PPP2R5C: variants seen among roughly 807,000 people sequenced by gnomAD.
PPP2R5C encodes the protein protein phosphatase 2 regulatory subunit B'gamma.
PPP2R5C carries 7 observed loss-of-function variants against 68.9 expected under a neutral mutation model. That is an observed-to-expected ratio of 0.10 (90% CI 0.06 to 0.19). PPP2R5C has a LOEUF of 0.19. Among genes scored for constraint, PPP2R5C ranks in the 10% least tolerant of loss-of-function variants. The probability of loss-of-function intolerance (pLI) is 1.00; values close to 1 mark genes in which losing one functional copy is unlikely to be tolerated. For synonymous variants in PPP2R5C, 210 were observed against 222.2 expected (o/e 0.95, Z 0.49); for missense variants, 348 against 641.3 (o/e 0.54, Z 4.94).
chr14:101,905,598 A>G (rs984590766), intron 9 of PPP2R5C, among the ~76,000 whole-genome samples: 1 of 152,136 alleles, frequency 6.6e-6, no homozygotes, highest in Non-Finnish European at 1.5e-5. Context: ...CAGAGGTTGC[A>G]GTCAGCCAAG....
intron 1 of PPP2R5C, among the ~76,000 whole-genome samples, chr14:101,846,861 C>T (rs913040958): frequency 6.6e-6 from 1 of 152,190 alleles, no homozygotes; most frequent in Admixed American, 6.5e-5. Flanking sequence ...TTGGATCGCT[C>T]ATCTGCTTAA....
chr14:101,772,577 C>T (rs1283850664), intron 2 of PPP2R5C, among the ~76,000 whole-genome samples: 1 of 152,024 alleles, frequency 6.6e-6, no homozygotes, highest in East Asian at 1.9e-4. Context: ...GGTGGATCAC[C>T]TAAGATCAGG....
intron 1 of PPP2R5C, among the ~76,000 whole-genome samples, chr14:101,831,536 A>G (rs1397496867): frequency 6.6e-6 from 1 of 152,240 alleles, no homozygotes; most frequent in African/African-American, 2.4e-5. Context: ...TTGCAGATGC[A>G]TAAAGGAAGA....
intron 11 of PPP2R5C, among the ~76,000 whole-genome samples, chr14:101,911,997 T>TA (rs1297422064): frequency 6.6e-6 from 1 of 152,166 alleles, no homozygotes; most frequent in Non-Finnish European, 1.5e-5. Flanking sequence ...TTTTTAATAT[T>TA]ATAGGAATGG....
chr14:101,870,259 G>A (rs2043318889), intron 2 of PPP2R5C, among the ~76,000 whole-genome samples: 1 of 151,894 alleles, frequency 6.6e-6, no homozygotes, highest in South Asian at 2.1e-4. Flanking sequence ...GCTTTTGGTA[G>A]CATATCTAAG....
chr14:101,837,160 T>G (rs2041161450), intron 1 of PPP2R5C, among the ~76,000 whole-genome samples: 2 of 152,226 alleles, frequency 1.3e-5, no homozygotes, highest in Admixed American at 1.3e-4. Flanking sequence ...GTTTTGTTTT[T>G]GAGACGGAGT....
intron 1 of PPP2R5C, among the ~76,000 whole-genome samples, chr14:101,816,459 T>TA (rs1158017905): frequency 6.6e-6 from 1 of 152,092 alleles, no homozygotes; most frequent in Non-Finnish European, 1.5e-5. Context: ...GAAAAAAGAC[T>TA]AAAGAGATAT....
chr14:101,869,159 C>T (rs2140744730), intron 2 of PPP2R5C, among the ~76,000 whole-genome samples: 1 of 152,324 alleles, frequency 6.6e-6, no homozygotes, highest in South Asian at 2.1e-4. Context: ...ATCATTTTGT[C>T]TTTTCCAGAA....
intron 2 of PPP2R5C, among the ~76,000 whole-genome samples, chr14:101,763,542 C>A (rs1439354318): frequency 6.6e-6 from 1 of 152,058 alleles, no homozygotes; most frequent in Non-Finnish European, 1.5e-5. Flanking sequence ...GCTACCACGC[C>A]CGGCTAATTT....
intron 2 of PPP2R5C, among the ~76,000 whole-genome samples, chr14:101,775,991 G>A (rs1566826972): frequency 1.3e-5 from 2 of 151,826 alleles, no homozygotes; most frequent in South Asian, 2.1e-4. Context: ...TTGAGTGGCC[G>A]ACAAGTGTCT....
At chr14:101,780,096 T>C (rs763628941) in intron 2 of PPP2R5C, among the ~76,000 whole-genome samples, 47 of 152,248 alleles carry the variant, frequency 3.1e-4, no homozygotes, top group Non-Finnish European at 5.0e-4. Flanking sequence ...CAAATCTCAG[T>C]CATCGTATTT....
rs2046766765 is a variant in PPP2R5C at position 101,917,799 on chromosome 14, C to T, written c.1327-32C>T. 6.2e-7 allele frequency: 1 copy of T among 1,612,010 alleles called. No homozygotes were observed. The highest frequency in any genetic ancestry group is 8.5e-7 in the Non-Finnish European group (1 of 1,178,752). Reference sequence around the variant, plus strand: ...AGCTTGGAGTTCAGAGCCTGGGCACCTAACAGAGCGACTCCACGCTTTGCA... The same window carrying T: ...AGCTTGGAGTTCAGAGCCTGGGCACTTAACAGAGCGACTCCACGCTTTGCA... On this transcript the variant is annotated intron_variant, in intron 12 of 13. Transcript: ENST00000334743. This position sits in a 1 kb window ranked among gnomAD's most constrained non-coding sequence, Gnocchi z 4.4.
Position 101,913,617 on chromosome 14 carries a change from A to G in PPP2R5C, c.1326+1144A>G, listed in dbSNP as rs1595544904. Among the ~76,000 whole-genome samples the G allele has an allele frequency of 2.6e-5, 4 of 152,358 alleles. 1 individual carries two copies. The highest frequency in any genetic ancestry group is 2.6e-4 in the Admixed American group (4 of 15,306). On this transcript the variant is annotated intron_variant, in intron 12 of 13. Coordinates refer to ENST00000334743, the Ensembl canonical transcript of PPP2R5C. This position sits in a 1 kb window ranked among gnomAD's most constrained non-coding sequence, Gnocchi z 4.1. ...TGTATAATCCTTAATTGAGGTAGGT[A>G]GCTATAGGCGTCTCCTTTTAACGAA...
intron 1 of PPP2R5C, among the ~76,000 whole-genome samples, chr14:101,814,393 A>G (rs2039538676): frequency 6.6e-6 from 1 of 152,174 alleles, no homozygotes; most frequent in African/African-American, 2.4e-5. Flanking sequence ...GGTGGTGTGG[A>G]AGGTAACCAA....
At chr14:101,819,121 A>G in intron 1 of PPP2R5C, 1 of 1,493,820 alleles carries the variant, frequency 6.7e-7, no homozygotes, top group Non-Finnish European at 9.1e-7. Context: ...GTGTGTTTAC[A>G]TTTGTAGACA....
chr14:101,878,192 T>C (rs766774383), intron 2 of PPP2R5C, among the ~76,000 whole-genome samples: 1 of 152,242 alleles, frequency 6.6e-6, no homozygotes, highest in African/African-American at 2.4e-5. Context: ...GCCCCACTTA[T>C]GACTTCATTC....
At chr14:101,780,597 C>G (rs1156363511) in intron 2 of PPP2R5C, among the ~76,000 whole-genome samples, 1 of 152,228 alleles carries the variant, frequency 6.6e-6, no homozygotes, top group Non-Finnish European at 1.5e-5. Flanking sequence ...CCCCACGTTC[C>G]CTGGTTCCCT....
chr14:101,917,794 G>A lies in PPP2R5C; in HGVS notation c.1327-37G>A, dbSNP rs752547845. The stretch of plus-strand genomic sequence containing the variant: ...TGAGAAGCTTGGAGTTCAGAGCCTG[G>A]GCACCTAACAGAGCGACTCCACGCT... On this transcript the variant is annotated intron_variant, in intron 12 of 13. Coordinates refer to ENST00000334743, the Ensembl canonical transcript of PPP2R5C. This position sits in a 1 kb window ranked among gnomAD's most constrained non-coding sequence, Gnocchi z 4.4. The A allele has an allele frequency of 1.2e-6, 2 of 1,610,868 alleles. No individual in the cohort carries two copies. Among genetic ancestry groups the A allele is most frequent in the Admixed American group, 3.3e-5 (2 of 59,858 alleles).
At chr14:101,790,940 C>T (rs1013107086) in intron 3 of PPP2R5C, among the ~76,000 whole-genome samples, 3 of 152,110 alleles carry the variant, frequency 2.0e-5, no homozygotes, top group Non-Finnish European at 4.4e-5. Context: ...ATCAGCTGAG[C>T]ATGGTGGCAC....
Sources: gnomAD v4.1 joint callset for allele counts (sites outside exome capture counted in the v4.1 genomes callset) on GRCh38, gnomAD v4.1.1 for gene constraint, Gnocchi (gnomAD v3.1) non-coding constraint, MANE v1.5 for transcripts, NCBI Gene and HGNC (gene_info 2026-07-23, HGNC 2026-07-21) for gene names.